The following SGMS2 variants were observed in gnomAD, a reference collection of about 807,000 sequenced individuals.
SGMS2 encodes phosphatidylcholine:ceramide cholinephosphotransferase 2.
Under a neutral mutation model 43.8 loss-of-function variants are expected in SGMS2, and 21 were observed. That is an observed-to-expected ratio of 0.48 (90% CI 0.34 to 0.69). The LOEUF (loss-of-function observed/expected upper bound fraction) is 0.69, where lower values mean the gene tolerates loss of function less well. Ranked by LOEUF, SGMS2 falls within the 30% of genes least tolerant of loss-of-function variation. The pLI is 0.01. For synonymous variants in SGMS2, 167 were observed against 160.6 expected (o/e 1.04, Z -0.30); for missense variants, 384 against 443.2 (o/e 0.87, Z 1.20).
intron 1 of SGMS2, among the ~76,000 whole-genome samples, chr4:107,853,783 T>C (rs1387748337): frequency 1.3e-5 from 2 of 152,136 alleles, no homozygotes; most frequent in Non-Finnish European, 2.9e-5. Context: ...AGTAAATCTC[T>C]ACAAATAACT....
At chr4:107,840,608 G>A (rs1726445331) in intron 1 of SGMS2, among the ~76,000 whole-genome samples, 2 of 152,118 alleles carry the variant, frequency 1.3e-5, no homozygotes, top group Non-Finnish European at 2.9e-5. Context: ...AAAGTTCCAT[G>A]TTGATATGCA....
At chr4:107,885,935 A>G (rs1409958148) in intron 2 of SGMS2, among the ~76,000 whole-genome samples, 4 of 152,220 alleles carry the variant, frequency 2.6e-5, no homozygotes, top group Non-Finnish European at 4.4e-5. Context: ...TTATTTGAGG[A>G]AAGCTGTAAA....
intron 1 of SGMS2, among the ~76,000 whole-genome samples, chr4:107,853,455 CT>C (rs1161442200): frequency 6.6e-6 from 1 of 152,298 alleles, no homozygotes; most frequent in East Asian, 1.9e-4. Flanking sequence ...CCTTTTCTCC[CT>C]CCCCCTCAGT....
chr4:107,849,557 A>T (rs1482026026), intron 1 of SGMS2, among the ~76,000 whole-genome samples: 1 of 152,186 alleles, frequency 6.6e-6, no homozygotes, highest in Non-Finnish European at 1.5e-5. Flanking sequence ...CTTACTATGT[A>T]CTAGGAGATG....
In SGMS2 at chr4:107,911,222, G is replaced by A. The variant is rs1024984237; in HGVS notation, c.*669G>A. The A allele has an allele frequency of 6.6e-6, 1 of 152,152 alleles. No homozygotes were observed. The highest frequency in any genetic ancestry group is 1.5e-5 in the Non-Finnish European group (1 of 68,076). 9.4% of individuals were successfully genotyped at this position (152,152 alleles called of 1,614,324 possible). A position where few individuals can be genotyped will look rare whatever the true frequency, so the allele number is the denominator to read the frequency against. On this transcript the variant is annotated 3_prime_UTR_variant, in exon 7 of 7. Transcript: ENST00000690982. ...GATCCAAGTAAACACGAAAGTATTT[G>A]ACACACCCCACAGATTTTACATGTG... is the stretch of plus-strand genomic sequence containing the variant.
intron 2 of SGMS2, among the ~76,000 whole-genome samples, chr4:107,879,415 G>A (rs1729174055): frequency 6.6e-6 from 1 of 151,806 alleles, no homozygotes; most frequent in African/African-American, 2.4e-5. Context: ...AGAGAGTATG[G>A]GATGTTCCTT....
At chr4:107,887,001 C>G (rs922856715) in intron 2 of SGMS2, among the ~76,000 whole-genome samples, 2 of 152,122 alleles carry the variant, frequency 1.3e-5, no homozygotes. Context: ...TTGTTAAAAG[C>G]TGTAAATAGC....
chr4:107,844,463 A>G (rs1241513715), intron 1 of SGMS2, among the ~76,000 whole-genome samples: 1 of 152,134 alleles, frequency 6.6e-6, no homozygotes, highest in Non-Finnish European at 1.5e-5. Flanking sequence ...GCACTTTGGG[A>G]GGCTGAGGCT....
At chr4:107,901,463 G>A (rs537274975) in intron 4 of SGMS2, among the ~76,000 whole-genome samples, 1 of 152,260 alleles carries the variant, frequency 6.6e-6, no homozygotes, top group South Asian at 2.1e-4. Flanking sequence ...GTATAAGCAT[G>A]GCAGAACTTT....
At chr4:107,862,861 C>T (rs182212290) in intron 2 of SGMS2, among the ~76,000 whole-genome samples, 6 of 152,296 alleles carry the variant, frequency 3.9e-5, no homozygotes, top group Non-Finnish European at 7.4e-5. Flanking sequence ...CTGAACACCT[C>T]ACTGAATGAA....
At chr4:107,904,895 G>T (rs1202890774) in intron 5 of SGMS2, among the ~76,000 whole-genome samples, 1 of 152,080 alleles carries the variant, frequency 6.6e-6, no homozygotes, top group African/African-American at 2.4e-5. Context: ...TTCTAGTGTA[G>T]ATGTACATTT....
At chr4:107,846,454 A>G (rs1189237804) in intron 1 of SGMS2, among the ~76,000 whole-genome samples, 3 of 150,504 alleles carry the variant, frequency 2.0e-5, no homozygotes, top group Non-Finnish European at 4.4e-5. Flanking sequence ...ATCATTTTTT[A>G]TGGCTGCATA....
intron 1 of SGMS2, among the ~76,000 whole-genome samples, chr4:107,837,794 A>G (rs1267909377): frequency 6.6e-6 from 1 of 151,514 alleles, no homozygotes; most frequent in African/African-American, 2.4e-5. Flanking sequence ...GGAGATCGAG[A>G]ATGTTGGATG....
At chr4:107,857,900 G>T (rs1018878547) in intron 1 of SGMS2, among the ~76,000 whole-genome samples, 1 of 152,052 alleles carries the variant, frequency 6.6e-6, no homozygotes, top group Non-Finnish European at 1.5e-5. Flanking sequence ...CAATACTCCC[G>T]CCGTGCTTTC....
chr4:107,851,211 A>G (rs1727123397), intron 1 of SGMS2, among the ~76,000 whole-genome samples: 1 of 152,206 alleles, frequency 6.6e-6, no homozygotes, highest in African/African-American at 2.4e-5. Context: ...GGTGCATGCC[A>G]TGCTCATGGT....
At chr4:107,889,436 CTTAT>C (rs1730024603) in intron 2 of SGMS2, among the ~76,000 whole-genome samples, 1 of 152,110 alleles carries the variant, frequency 6.6e-6, no homozygotes, top group Admixed American at 6.6e-5. Flanking sequence ...TTAAAGCTAG[CTTAT>C]TTATTAAAGA....
chr4:107,885,469 C>A (rs745440957), intron 2 of SGMS2, among the ~76,000 whole-genome samples: 2 of 152,162 alleles, frequency 1.3e-5, no homozygotes, highest in Non-Finnish European at 2.9e-5. Flanking sequence ...CAATATCACA[C>A]AATTTTAGCT....
chr4:107,903,549 G>A (rs552786569), intron 5 of SGMS2, among the ~76,000 whole-genome samples, 163 bp downstream of exon 5: 1 of 152,044 alleles, frequency 6.6e-6, no homozygotes, highest in East Asian at 1.9e-4. Flanking sequence ...GTGTGCGTGT[G>A]TGTCTGTATA....
At chr4:107,851,661 C>T (rs543507184) in intron 1 of SGMS2, among the ~76,000 whole-genome samples, 1 of 152,274 alleles carries the variant, frequency 6.6e-6, no homozygotes, top group East Asian at 1.9e-4. Flanking sequence ...TATCCTCTCT[C>T]CCTAAGCAAG....
Sources: allele counts gnomAD v4.1 joint callset (sites outside exome capture counted in the v4.1 genomes callset), GRCh38; gene constraint gnomAD v4.1.1; transcripts MANE v1.5; gene names NCBI Gene and HGNC (gene_info 2026-07-23, HGNC 2026-07-21).